Variants in DHRS3 observed in about 807,000 individuals in gnomAD.
The protein encoded by DHRS3 is dehydrogenase/reductase 3.
In DHRS3, 14 loss-of-function variants were observed where a neutral mutation model predicts 27.2. That is an observed-to-expected ratio of 0.52 (90% CI 0.34 to 0.81). The LOEUF (loss-of-function observed/expected upper bound fraction) is 0.81. DHRS3 is among the 30% of genes least tolerant of loss of function. The pLI, the probability that DHRS3 is intolerant of heterozygous loss-of-function variation, is 0.01. For missense variants in DHRS3, 322 were observed against 406.2 expected (o/e 0.79, Z 1.78); for synonymous variants, 165 against 175.9 (o/e 0.94, Z 0.49).
intron 1 of DHRS3, among the ~76,000 whole-genome samples, chr1:12,587,301 C>T (rs1646705115): frequency 6.6e-6 from 1 of 151,726 alleles, no homozygotes; most frequent in Admixed American, 6.6e-5. Context: ...AGCCACTACT[C>T]CTGGCTAATT....
intron 1 of DHRS3, among the ~76,000 whole-genome samples, chr1:12,612,292 G>C (rs1047134852): frequency 3.3e-5 from 5 of 152,180 alleles, no homozygotes; most frequent in Non-Finnish European, 7.4e-5. Flanking sequence ...CAGATGACCT[G>C]TCTGGACCCT....
intron 1 of DHRS3, among the ~76,000 whole-genome samples, chr1:12,600,818 CTCTATCTA>C (rs1435326350): frequency 6.6e-6 from 1 of 152,204 alleles, no homozygotes; most frequent in Non-Finnish European, 1.5e-5. Context: ...CAGTCTATCT[CTCTATCTA>C]TCGTCTAGAA....
intron 4 of DHRS3, among the ~76,000 whole-genome samples, chr1:12,576,751 A>C (rs904501866): frequency 5.3e-5 from 8 of 151,628 alleles, no homozygotes; most frequent in Non-Finnish European, 1.2e-4. Flanking sequence ...GACAATTTGC[A>C]TGCAAACCAG....
chr1:12,583,600 TCCA>T (rs1646666333), intron 1 of DHRS3, among the ~76,000 whole-genome samples: 2 of 128,420 alleles, frequency 1.6e-5, no homozygotes, highest in Non-Finnish European at 3.3e-5. Context: ...TATCCATCCA[TCCA>T]TCCATCCATC....
At chr1:12,576,660 CA>C in intron 4 of DHRS3, among the ~76,000 whole-genome samples, 1 of 151,712 alleles carries the variant, frequency 6.6e-6, no homozygotes, top group South Asian at 2.1e-4. Flanking sequence ...GAAAAGAAAC[CA>C]AACCAAAACC....
intron 1 of DHRS3, among the ~76,000 whole-genome samples, chr1:12,590,468 G>A (rs773695548): frequency 1.8e-4 from 27 of 152,082 alleles, no homozygotes; most frequent in African/African-American, 2.7e-4. Flanking sequence ...GCGCCACCAC[G>A]CCCGGCTAAT....
At chr1:12,568,620 G>A (rs1005906790) in intron 5 of DHRS3, among the ~76,000 whole-genome samples, 196 bp from the exon 6 acceptor site, 2 of 152,142 alleles carry the variant, frequency 1.3e-5, no homozygotes, top group Non-Finnish European at 2.9e-5. Context: ...AAGTGGATAA[G>A]CAGCTGTTAA....
At chr1:12,603,829 C>T (rs1007138608) in intron 1 of DHRS3, among the ~76,000 whole-genome samples, 3 of 152,150 alleles carry the variant, frequency 2.0e-5, no homozygotes, top group Admixed American at 6.5e-5. Context: ...CTTCACCAGG[C>T]TGACCATTGG....
At position 12,582,046 on chromosome 1, in the gene DHRS3, A is replaced by ATG. The variant is rs138886892; in HGVS notation, c.196-1382_196-1381dup. Among the ~76,000 whole-genome samples, 122 of 152,350 alleles carry ATG rather than the reference A, an allele frequency of 8.0e-4. 1 individual carries two copies. The highest frequency in any genetic ancestry group is 2.6e-3 in the African/African-American group (109 of 41,600). ...TCTAAAGGTTGCTAATGAGAACAAA[A>ATG]TGGCTGCTTTGGGAAGGTAAACATT... is the stretch of plus-strand genomic sequence containing the variant. On this transcript the variant is annotated intron_variant, in intron 1 of 5. Transcript: ENST00000616661.
chr1:12,614,702 CTT>C (rs70987260), intron 1 of DHRS3, among the ~76,000 whole-genome samples: 7,189 of 92,764 alleles, frequency 0.077, 193 homozygotes, highest in Middle Eastern at 0.096. Context: ...CTCTGGTACA[CTT>C]TTTTTTTTTT....
chr1:12,597,627 G>T (rs986655522), intron 1 of DHRS3, among the ~76,000 whole-genome samples: 1 of 152,202 alleles, frequency 6.6e-6, no homozygotes, highest in East Asian at 1.9e-4. Flanking sequence ...GCTGTCCAAG[G>T]AATTTCCAGG....
At chr1:12,597,453 TTC>T (rs1472036414) in intron 1 of DHRS3, among the ~76,000 whole-genome samples, 79 of 152,348 alleles carry the variant, frequency 5.2e-4, no homozygotes, top group Non-Finnish European at 3.7e-4. Context: ...TGATTCCAGC[TTC>T]TCCTTCACTG....
intron 1 of DHRS3, among the ~76,000 whole-genome samples, chr1:12,587,061 A>G (rs1646702683): frequency 6.6e-6 from 1 of 152,080 alleles, no homozygotes; most frequent in Non-Finnish European, 1.5e-5. Flanking sequence ...AAGTGACACG[A>G]CATGGAAAAA....
Position 12,574,819 on chromosome 1 carries a change from A to G in DHRS3, c.699-1966T>C, listed in dbSNP as rs1487855638. Reference sequence around the variant, plus strand: ...GGAACTGGCACAGCTATTAACTCCCATGGAAGCAGTGCAAATTCGTGGAAG... The same window carrying G: ...GGAACTGGCACAGCTATTAACTCCCGTGGAAGCAGTGCAAATTCGTGGAAG... On this transcript the variant is annotated intron_variant, in intron 4 of 5. Transcript: ENST00000616661. The surrounding 1 kb of genome is among the most constrained non-coding windows in gnomAD (Gnocchi z 4.6). Among the ~76,000 whole-genome samples the G allele has an allele frequency of 6.6e-6, 1 of 152,224 alleles. No individual in the cohort carries two copies. The highest frequency in any genetic ancestry group is 1.5e-5 in the Non-Finnish European group (1 of 68,034).
chr1:12,615,736 C>A (rs1646940196), intron 1 of DHRS3, among the ~76,000 whole-genome samples: 2 of 152,224 alleles, frequency 1.3e-5, no homozygotes, highest in South Asian at 4.1e-4. Context: ...TTTCAGTCCC[C>A]TTCACAAAGA....
chr1:12,585,775 C>G (rs979550015), intron 1 of DHRS3, among the ~76,000 whole-genome samples: 1 of 152,184 alleles, frequency 6.6e-6, no homozygotes, highest in South Asian at 2.1e-4. Flanking sequence ...GGACAAGGGT[C>G]CCACCCAAGG....
chr1:12,597,864 G>C (rs957437661), intron 1 of DHRS3, among the ~76,000 whole-genome samples: 3 of 152,216 alleles, frequency 2.0e-5, no homozygotes, highest in East Asian at 3.8e-4. Flanking sequence ...CTCAAACCAA[G>C]TGTAGGGCGC....
At chr1:12,609,376 A>G (rs1451535643) in intron 1 of DHRS3, among the ~76,000 whole-genome samples, 1 of 152,206 alleles carries the variant, frequency 6.6e-6, no homozygotes, top group Non-Finnish European at 1.5e-5. Context: ...TCTGGCTGGG[A>G]GCAGGGCTGC....
At chr1:12,568,919 C>A (rs1030675980) in intron 5 of DHRS3, among the ~76,000 whole-genome samples, 10 of 151,456 alleles carry the variant, frequency 6.6e-5, no homozygotes, top group African/African-American at 2.4e-4. Context: ...AGAGCCAGAC[C>A]CTGTCTCAAA....
Sources: gnomAD v4.1 joint callset for allele counts (sites outside exome capture counted in the v4.1 genomes callset) on GRCh38, gnomAD v4.1.1 for gene constraint, Gnocchi (gnomAD v3.1) non-coding constraint, MANE v1.5 for transcripts, NCBI Gene and HGNC (gene_info 2026-07-23, HGNC 2026-07-21) for gene names.